GALNT13: variants seen among roughly 807,000 people sequenced by gnomAD.
The protein encoded by GALNT13 is polypeptide N-acetylgalactosaminyltransferase 13.
Under a neutral mutation model 64.2 loss-of-function variants are expected in GALNT13, and 28 were observed. The ratio of observed to expected loss-of-function variants is 0.44; its 90% CI spans 0.32 to 0.60. The LOEUF (loss-of-function observed/expected upper bound fraction) is 0.60. GALNT13 is among the 20% of genes least tolerant of loss of function. The pLI, the probability that GALNT13 is intolerant of heterozygous loss-of-function variation, is 0.05. For synonymous variants in GALNT13, 214 were observed against 224.6 expected, an observed-to-expected ratio of 0.95 and a Z score of 0.42; for missense variants, 577 against 669.8, an observed-to-expected ratio of 0.86 and a Z score of 1.53.
intron 4 of GALNT13, among the ~76,000 whole-genome samples, chr2:154,192,022 A>G (rs1686613510): frequency 6.6e-6 from 1 of 152,150 alleles, no homozygotes; most frequent in Non-Finnish European, 1.5e-5. Flanking sequence ...CTCTCAGCAG[A>G]TGGGGGAAGC....
At chr2:154,094,464 G>A (rs1303257329) in intron 3 of GALNT13, among the ~76,000 whole-genome samples, 4 of 151,978 alleles carry the variant, frequency 2.6e-5, no homozygotes, top group African/African-American at 9.6e-5. Flanking sequence ...AGAATTATTT[G>A]CCAGAAGTAA....
the GALNT13 span, among the ~76,000 whole-genome samples, chr2:153,444,613 T>C: frequency 2.0e-5 from 3 of 152,218 alleles, no homozygotes; most frequent in African/African-American, 7.2e-5. Context: ...TGTACACTGA[T>C]AGATAAGAAA....
chr2:154,096,276 C>G (rs1702069031), intron 3 of GALNT13, among the ~76,000 whole-genome samples: 1 of 151,910 alleles, frequency 6.6e-6, no homozygotes, highest in African/African-American at 2.4e-5. Context: ...ATATCCACTC[C>G]TCTTCTGGCT....
chr2:153,858,728 T>C, the GALNT13 span, among the ~76,000 whole-genome samples: 1 of 152,106 alleles, frequency 6.6e-6, no homozygotes, highest in Non-Finnish European at 1.5e-5. Context: ...TTTATTTATT[T>C]ATGATTATTG....
intron 8 of GALNT13, among the ~76,000 whole-genome samples, chr2:154,264,887 A>G (rs535664694): frequency 6.6e-6 from 1 of 151,802 alleles, no homozygotes; most frequent in African/African-American, 2.4e-5. Flanking sequence ...TCTAAGAAAA[A>G]GGAAATAATA....
intron 8 of GALNT13, among the ~76,000 whole-genome samples, chr2:154,295,248 GC>G (rs1410407084): frequency 6.6e-6 from 1 of 151,796 alleles, no homozygotes; most frequent in African/African-American, 2.4e-5. Context: ...CCCAATTATT[GC>G]TTTTATGCTC....
chr2:154,373,621 C>A (rs1392767572), intron 9 of GALNT13, among the ~76,000 whole-genome samples: 1 of 152,134 alleles, frequency 6.6e-6, no homozygotes, highest in Non-Finnish European at 1.5e-5. Flanking sequence ...AAAAATCAGA[C>A]CTGCTTTTAA....
chr2:153,414,392 AAAAAT>A, the GALNT13 span, among the ~76,000 whole-genome samples: 5 of 151,820 alleles, frequency 3.3e-5, no homozygotes, highest in African/African-American at 9.7e-5. Context: ...AAAATAAAAA[AAAAAT>A]AAAATAAAAA....
chr2:153,962,190 A>AT (rs1692993042), intron 3 of GALNT13, among the ~76,000 whole-genome samples: 1 of 152,088 alleles, frequency 6.6e-6, no homozygotes, highest in African/African-American at 2.4e-5. Flanking sequence ...TGGAGATGAT[A>AT]TTTTTTCCTT....
At chr2:154,181,438 G>A (rs1290101585) in intron 4 of GALNT13, among the ~76,000 whole-genome samples, 1 of 151,780 alleles carries the variant, frequency 6.6e-6, no homozygotes. Context: ...TTTCTCTCTG[G>A]CAGGTAATTG....
the GALNT13 span, among the ~76,000 whole-genome samples, chr2:153,723,870 C>A: frequency 6.6e-6 from 1 of 150,928 alleles, no homozygotes; most frequent in Non-Finnish European, 1.5e-5. Context: ...GTGAAAATGG[C>A]CATACTGCCC....
At chr2:153,819,631 C>T in the GALNT13 span, among the ~76,000 whole-genome samples, 1 of 152,168 alleles carries the variant, frequency 6.6e-6, no homozygotes, top group Non-Finnish European at 1.5e-5. Flanking sequence ...CAGAGAACAC[C>T]TCACAGTAAA....
At chr2:153,798,998 T>G in the GALNT13 span, among the ~76,000 whole-genome samples, 1 of 152,138 alleles carries the variant, frequency 6.6e-6, no homozygotes, top group Non-Finnish European at 1.5e-5. Flanking sequence ...ATAAACTGTG[T>G]ATTTGTTTAC....
intron 2 of GALNT13, among the ~76,000 whole-genome samples, chr2:153,918,338 A>T (rs1689531200): frequency 6.6e-6 from 1 of 152,156 alleles, no homozygotes; most frequent in South Asian, 2.1e-4. Flanking sequence ...CCAATCAAAC[A>T]GGGTGAGAAT....
chr2:154,437,541 C>T (rs781468064), intron 11 of GALNT13: 1 of 1,283,590 alleles, frequency 7.8e-7, no homozygotes, highest in South Asian at 1.2e-5. Flanking sequence ...GAAGAAAACA[C>T]ATTCTATAAT....
At chr2:153,576,780 G>A in the GALNT13 span, among the ~76,000 whole-genome samples, 36 of 152,006 alleles carry the variant, frequency 2.4e-4, no homozygotes, top group African/African-American at 8.2e-4. Context: ...TGTTAAATTG[G>A]TGCGGGGGTT....
chr2:153,750,176 C>A, the GALNT13 span, among the ~76,000 whole-genome samples: 5 of 151,512 alleles, frequency 3.3e-5, no homozygotes, highest in Non-Finnish European at 5.9e-5. Context: ...AGAAATAATC[C>A]CCCTTGTTCA....
the GALNT13 span, among the ~76,000 whole-genome samples, chr2:153,435,898 C>T: frequency 6.6e-6 from 1 of 152,044 alleles, no homozygotes; most frequent in Non-Finnish European, 1.5e-5. Flanking sequence ...GCATCCCTGT[C>T]TTGTGCCAGT....
rs200387269 is a variant in GALNT13, at chr2:154,189,990, G to GT, written c.311+49491dup. Among the ~76,000 whole-genome samples the GT allele has an allele frequency of 2.9e-3, 436 of 152,240 alleles. 20 individuals are homozygous for GT. The East Asian group carries it at 0.079, about 27-fold the overall frequency. ...CCATATAAAAACCTGAATTTAAAAT[G>GT]TTTTTTAAAGCTAAAATGTCAGGTC... On this transcript the variant is annotated intron_variant, in intron 4 of 12. Transcript: ENST00000392825.
Sources: allele counts gnomAD v4.1 joint callset (sites outside exome capture counted in the v4.1 genomes callset), GRCh38; gene constraint gnomAD v4.1.1; transcripts MANE v1.5; gene names NCBI Gene and HGNC (gene_info 2026-07-23, HGNC 2026-07-21).